Variants in SORCS3 observed in about 807,000 individuals in gnomAD.
SORCS3 encodes sortilin related VPS10 domain containing receptor 3.
SORCS3 carries 57 observed loss-of-function variants against 146.3 expected under a neutral mutation model. The ratio of observed to expected loss-of-function variants is 0.39; its 90% confidence interval spans 0.31 to 0.49. SORCS3 has a LOEUF of 0.49. SORCS3 is among the 20% of genes least tolerant of loss of function. SORCS3 has a pLI of 0.92. For missense variants in SORCS3, 1,341 were observed against 1,575.5 expected, an observed-to-expected ratio of 0.85 and a Z score of 2.52; for synonymous variants, 653 against 618.5, an observed-to-expected ratio of 1.06 and a Z score of -0.83.
chr10:105,227,056 G>A (rs184370546), intron 20 of SORCS3, among the ~76,000 whole-genome samples: 1 of 151,524 alleles, frequency 6.6e-6, no homozygotes, highest in Non-Finnish European at 1.5e-5. Flanking sequence ...ATTTTGTTTA[G>A]TTCTCCTCTG....
chr10:104,823,434 C>T (rs190202797), intron 1 of SORCS3, among the ~76,000 whole-genome samples: 13 of 152,152 alleles, frequency 8.5e-5, no homozygotes, highest in Admixed American at 3.3e-4. Context: ...CAGTTTTTAG[C>T]GACAACTTTT....
At chr10:105,088,469 A>T (rs2055678379) in intron 5 of SORCS3, among the ~76,000 whole-genome samples, 2 of 152,214 alleles carry the variant, frequency 1.3e-5, no homozygotes, top group Non-Finnish European at 2.9e-5. Flanking sequence ...ATTTTATTTT[A>T]ACCAATAAAA....
chr10:104,808,111 TG>T (rs1029871372), intron 1 of SORCS3, among the ~76,000 whole-genome samples: 5 of 151,830 alleles, frequency 3.3e-5, no homozygotes, highest in Non-Finnish European at 7.4e-5. Context: ...GGAATCTGGG[TG>T]GGGGGAGTGA....
chr10:104,886,433 A>G (rs1325913720), intron 2 of SORCS3, among the ~76,000 whole-genome samples: 1 of 152,118 alleles, frequency 6.6e-6, no homozygotes, highest in African/African-American at 2.4e-5. Context: ...ATATATGTTT[A>G]TGTGTGTTCA....
At chr10:105,131,024 C>G (rs1013653486) in intron 7 of SORCS3, among the ~76,000 whole-genome samples, 1 of 152,142 alleles carries the variant, frequency 6.6e-6, no homozygotes, top group Non-Finnish European at 1.5e-5. Flanking sequence ...TAGGGCCAGA[C>G]TGACATGTAT....
At chr10:104,720,223 G>A (rs548519220) in intron 1 of SORCS3, among the ~76,000 whole-genome samples, 11 of 151,996 alleles carry the variant, frequency 7.2e-5, no homozygotes, top group East Asian at 3.9e-4. Context: ...GAGAAAATGC[G>A]GTGTTTGGTT....
At chr10:104,862,002 G>C (rs2018408973) in intron 2 of SORCS3, among the ~76,000 whole-genome samples, 1 of 152,128 alleles carries the variant, frequency 6.6e-6, no homozygotes, top group African/African-American at 2.4e-5. Context: ...AATCCTATTG[G>C]ATCAGGAGCC....
chr10:104,739,241 A>G (rs2016813100), intron 1 of SORCS3, among the ~76,000 whole-genome samples: 1 of 152,170 alleles, frequency 6.6e-6, no homozygotes, highest in Non-Finnish European at 1.5e-5. Flanking sequence ...ATCTTGGTTC[A>G]CTCTCTCCAA....
intron 3 of SORCS3, among the ~76,000 whole-genome samples, chr10:104,940,350 GT>G (rs1469978623): frequency 6.2e-5 from 9 of 145,916 alleles, no homozygotes; most frequent in Non-Finnish European, 1.2e-4. Flanking sequence ...CCATTAACTC[GT>G]CATTTACATT....
intron 7 of SORCS3, among the ~76,000 whole-genome samples, chr10:105,127,961 CTT>C (rs1252079238): frequency 1.3e-5 from 2 of 152,194 alleles, no homozygotes; most frequent in African/African-American, 4.8e-5. Context: ...GGCGTAGACA[CTT>C]TAGGCTCATT....
intron 2 of SORCS3, among the ~76,000 whole-genome samples, chr10:104,872,991 A>G (rs2018534560): frequency 1.3e-5 from 2 of 152,206 alleles, no homozygotes; most frequent in African/African-American, 4.8e-5. Flanking sequence ...CATACACACA[A>G]GCACACAGAC....
intron 2 of SORCS3, among the ~76,000 whole-genome samples, chr10:104,888,467 A>G (rs1025352906): frequency 6.6e-6 from 1 of 152,324 alleles, no homozygotes; most frequent in South Asian, 2.1e-4. Context: ...TTCTAAAAAC[A>G]TGTGATCTAC....
chr10:105,079,895 T>C (rs2055612000), intron 5 of SORCS3, among the ~76,000 whole-genome samples: 1 of 152,196 alleles, frequency 6.6e-6, no homozygotes, highest in Admixed American at 6.5e-5. Flanking sequence ...GATCTTGTTC[T>C]TTTTTATGGC....
In SORCS3 at chr10:104,872,032, G is replaced by A. The variant is rs143797701; in HGVS notation, c.695+29173G>A. ...CACACTGACCCATTGATTCACAAAT[G>A]TAGCCCAATACTCATCTACCTGACT... On this transcript the variant is annotated intron_variant, in intron 2 of 26. Transcript: ENST00000369701. Among the ~76,000 whole-genome samples, 1,102 of 152,206 alleles carry A rather than the reference G, an allele frequency of 7.2e-3. 11 individuals are homozygous for A. The highest frequency in any genetic ancestry group is 0.026 in the African/African-American group (1,061 of 41,532).
chr10:105,211,026 G>T, intron 16 of SORCS3, 111 bp from the exon 17 acceptor site: 1 of 667,676 alleles, frequency 1.5e-6, no homozygotes. Context: ...TTAAAACAAT[G>T]TGTTATGACT....
chr10:105,261,597 G>A (rs1364819538), intron 25 of SORCS3, among the ~76,000 whole-genome samples: 1 of 152,212 alleles, frequency 6.6e-6, no homozygotes, highest in Non-Finnish European at 1.5e-5. Context: ...AACACACAGT[G>A]TGTGAGGAGA....
At position 105,104,388 on chromosome 10, in the gene SORCS3, C is replaced by T. The variant is rs149008308; in HGVS notation, c.1094-1009C>T. On this transcript the variant is annotated intron_variant, in intron 6 of 26. Coordinates refer to ENST00000369701, the MANE Select transcript of SORCS3 (RefSeq NM_014978.3). Reference sequence around the variant, plus strand: ...TTCCTTAATTAAAGAGCAAAAAAACCGAATGGATTCCCTTTCCTTGGATAA... The same window carrying T: ...TTCCTTAATTAAAGAGCAAAAAAACTGAATGGATTCCCTTTCCTTGGATAA... Among the ~76,000 whole-genome samples, 1,333 of 152,068 alleles carry T rather than the reference C, an allele frequency of 8.8e-3. 15 individuals carry two copies. The highest frequency in any genetic ancestry group is 0.022 in the African/African-American group (927 of 41,476).
chr10:104,801,025 A>G (rs1474403175), intron 1 of SORCS3, among the ~76,000 whole-genome samples: 1 of 152,172 alleles, frequency 6.6e-6, no homozygotes, highest in South Asian at 2.1e-4. Context: ...ATCAGTCACT[A>G]TTTTATTGCT....
At chr10:105,014,599 G>A (rs1032797939) in intron 4 of SORCS3, among the ~76,000 whole-genome samples, 1 of 152,082 alleles carries the variant, frequency 6.6e-6, no homozygotes, top group African/African-American at 2.4e-5. Flanking sequence ...AGATAGACAA[G>A]CCAACAAAAT....
Sources: allele counts gnomAD v4.1 joint callset (sites outside exome capture counted in the v4.1 genomes callset), GRCh38; gene constraint gnomAD v4.1.1; transcripts MANE v1.5; gene names NCBI Gene and HGNC (gene_info 2026-07-23, HGNC 2026-07-21).